Variants in ACOXL observed in about 807,000 individuals in gnomAD.
The protein encoded by ACOXL is acyl-CoA oxidase like, also known as acyl-coenzyme A oxidase-like protein.
Under a neutral mutation model 71.9 loss-of-function variants are expected in ACOXL, and 70 were observed. The ratio of observed to expected loss-of-function variants is 0.97; its 90% confidence interval spans 0.80 to 1.19. ACOXL has a LOEUF of 1.19. Among genes scored for constraint, ACOXL ranks in the 50% most tolerant of loss-of-function variants. The probability of loss-of-function intolerance (pLI) is 0.00; values close to 1 mark genes in which losing one functional copy is unlikely to be tolerated. For missense variants in ACOXL, 703 were observed against 736.3 expected (o/e 0.95, Z 0.52); for synonymous variants, 253 against 281.6 (o/e 0.90, Z 1.02).
At chr2:111,025,712 A>G (rs1026364074) in intron 14 of ACOXL, among the ~76,000 whole-genome samples, 1 of 152,148 alleles carries the variant, frequency 6.6e-6, no homozygotes. Flanking sequence ...GAAATCCTTT[A>G]TTATATGAGA....
chr2:110,811,949 T>A (rs1411150713), intron 9 of ACOXL, among the ~76,000 whole-genome samples: 1 of 152,292 alleles, frequency 6.6e-6, no homozygotes, highest in Non-Finnish European at 1.5e-5. Flanking sequence ...AAAATACCAA[T>A]AATGACTTGC....
chr2:110,777,229 C>A (rs776514512), intron 2 of ACOXL, among the ~76,000 whole-genome samples: 3 of 152,070 alleles, frequency 2.0e-5, no homozygotes, highest in Admixed American at 1.3e-4. Flanking sequence ...CTGGAGGGAT[C>A]CCCATGGCAT....
At chr2:111,015,632 A>T (rs1237719693) in intron 14 of ACOXL, among the ~76,000 whole-genome samples, 1 of 152,200 alleles carries the variant, frequency 6.6e-6, no homozygotes, top group Non-Finnish European at 1.5e-5. Context: ...GGCCAAGAGA[A>T]ATTAAAATAT....
chr2:110,892,719 G>C (rs555457279), intron 10 of ACOXL, among the ~76,000 whole-genome samples: 6 of 152,272 alleles, frequency 3.9e-5, no homozygotes, highest in Admixed American at 2.6e-4. Flanking sequence ...CCTGAAAAAA[G>C]CTATATCCAG....
intron 9 of ACOXL, among the ~76,000 whole-genome samples, chr2:110,825,731 T>C (rs1689089395): frequency 6.6e-6 from 1 of 152,210 alleles, no homozygotes; most frequent in Non-Finnish European, 1.5e-5. Flanking sequence ...AGAGACAGGC[T>C]GCATCAAATG....
At chr2:110,976,043 A>G (rs1322979644) in intron 12 of ACOXL, among the ~76,000 whole-genome samples, 1 of 152,180 alleles carries the variant, frequency 6.6e-6, no homozygotes, top group Admixed American at 6.5e-5. Flanking sequence ...GAAGAAAGGC[A>G]AAAAAAGTCT....
intron 10 of ACOXL, among the ~76,000 whole-genome samples, chr2:110,879,999 A>T (rs6732180): frequency 8.0e-4 from 122 of 151,972 alleles, no homozygotes; most frequent in African/African-American, 2.9e-3. Context: ...TACAAAAATT[A>T]GCCAAGCATG....
intron 10 of ACOXL, among the ~76,000 whole-genome samples, chr2:110,845,160 G>T (rs543595909): frequency 2.0e-5 from 3 of 152,158 alleles, no homozygotes; most frequent in African/African-American, 7.2e-5. Context: ...AGATGAAGGC[G>T]CCAGCAGGTT....
intron 11 of ACOXL, among the ~76,000 whole-genome samples, chr2:110,914,769 C>G (rs184007705): frequency 6.6e-6 from 1 of 152,092 alleles, no homozygotes; most frequent in Admixed American, 6.5e-5. Context: ...GGTGAAAATG[C>G]GTTCAGTATT....
At chr2:111,010,110 A>G (rs1191587413) in intron 14 of ACOXL, among the ~76,000 whole-genome samples, 1 of 152,210 alleles carries the variant, frequency 6.6e-6, no homozygotes, top group Non-Finnish European at 1.5e-5. Context: ...TCCATAGCCA[A>G]GAGAAAAATC....
chr2:110,916,110 T>C (rs1370923667), intron 11 of ACOXL, among the ~76,000 whole-genome samples: 1 of 152,126 alleles, frequency 6.6e-6, no homozygotes, highest in Non-Finnish European at 1.5e-5. Flanking sequence ...TTGAGAAATT[T>C]GTTCACTTCT....
chr2:110,965,093 C>A (rs1008325991), intron 12 of ACOXL, among the ~76,000 whole-genome samples: 1 of 152,124 alleles, frequency 6.6e-6, no homozygotes, highest in African/African-American at 2.4e-5. Flanking sequence ...GTTTCTGTGC[C>A]TGACTTATTT....
intron 10 of ACOXL, among the ~76,000 whole-genome samples, chr2:110,851,785 A>G (rs1241327226): frequency 6.6e-6 from 1 of 152,154 alleles, no homozygotes; most frequent in East Asian, 1.9e-4. Context: ...GCTCATCTCA[A>G]CCACCTGGAA....
intron 16 of ACOXL, among the ~76,000 whole-genome samples, chr2:111,075,944 A>C (rs1414060155): frequency 6.6e-6 from 1 of 151,896 alleles, no homozygotes; most frequent in Admixed American, 6.6e-5. Context: ...ACCATGTCTA[A>C]TTTATGTTTA....
intron 14 of ACOXL, among the ~76,000 whole-genome samples, chr2:111,010,511 T>A (rs931570690): frequency 2.0e-5 from 3 of 151,880 alleles, no homozygotes; most frequent in Non-Finnish European, 2.9e-5. Flanking sequence ...AAGAAGGAGA[T>A]GAGAGAGAGA....
At chr2:111,055,269 G>A (rs1001694834) in intron 16 of ACOXL, among the ~76,000 whole-genome samples, 1 of 152,238 alleles carries the variant, frequency 6.6e-6, no homozygotes, top group African/African-American at 2.4e-5. Flanking sequence ...ATTTGCAGGG[G>A]ACTGTCCCCA....
chr2:110,924,680 C>T (rs1339332629), intron 11 of ACOXL, among the ~76,000 whole-genome samples: 2 of 152,080 alleles, frequency 1.3e-5, no homozygotes, highest in African/African-American at 4.8e-5. Context: ...ACCATATCTA[C>T]AGTGACTTTC....
intron 10 of ACOXL, among the ~76,000 whole-genome samples, chr2:110,857,274 T>C (rs1693375694): frequency 6.6e-6 from 1 of 152,196 alleles, no homozygotes; most frequent in South Asian, 2.1e-4. Context: ...GACCCGTGTT[T>C]TCCCATATGT....
intron 12 of ACOXL, among the ~76,000 whole-genome samples, chr2:110,980,285 T>C (rs1453970930): frequency 6.6e-6 from 1 of 152,260 alleles, no homozygotes; most frequent in Non-Finnish European, 1.5e-5. Context: ...AGCTATGGGT[T>C]CTGCATATGG....
Sources: gnomAD v4.1 joint callset for allele counts (sites outside exome capture counted in the v4.1 genomes callset) on GRCh38, gnomAD v4.1.1 for gene constraint, MANE v1.5 for transcripts, NCBI Gene and HGNC (gene_info 2026-07-23, HGNC 2026-07-21) for gene names.